Variants in MCM10 observed in about 807,000 individuals in gnomAD.
The protein encoded by MCM10 is protein MCM10 homolog.
A neutral mutation model predicts 109.9 loss-of-function variants in MCM10; 91 were observed. The observed-to-expected ratio is 0.83, with a 90% CI of 0.70 to 0.99. The LOEUF (loss-of-function observed/expected upper bound fraction) is 0.99, where lower values mean the gene tolerates loss of function less well. MCM10 is among the 50% of genes least tolerant of loss of function. The pLI is 0.00. For synonymous variants in MCM10, 380 were observed against 387.2 expected, an observed-to-expected ratio of 0.98 and a Z score of 0.22; for missense variants, 1,077 against 1,061.2, an observed-to-expected ratio of 1.01 and a Z score of -0.21.
At chr10:13,187,363 T>C (rs939887382) in intron 9 of MCM10, among the ~76,000 whole-genome samples, 1 of 152,272 alleles carries the variant, frequency 6.6e-6, no homozygotes, top group Non-Finnish European at 1.5e-5. Context: ...TACCATACGT[T>C]GTTTATTCTT....
intron 2 of MCM10, among the ~76,000 whole-genome samples, chr10:13,170,511 G>A (rs1588465834): frequency 1.3e-5 from 2 of 152,130 alleles, no homozygotes; most frequent in South Asian, 4.1e-4. Flanking sequence ...ATTGATTGGA[G>A]TAGAATGCTT....
At chr10:13,204,815 G>A (rs1564394863) in intron 18 of MCM10, among the ~76,000 whole-genome samples, 1 of 152,018 alleles carries the variant, frequency 6.6e-6, no homozygotes, top group Non-Finnish European at 1.5e-5. Flanking sequence ...ACCAAAATCT[G>A]TGGATGCTCA....
chr10:13,168,801 C>A (rs1834034175), intron 2 of MCM10, among the ~76,000 whole-genome samples: 2 of 152,082 alleles, frequency 1.3e-5, no homozygotes, highest in South Asian at 4.1e-4. Flanking sequence ...GGAGAAGTGG[C>A]CCTTGTGTAC....
intron 14 of MCM10, among the ~76,000 whole-genome samples, chr10:13,197,036 C>A (rs563606048): frequency 2.0e-5 from 3 of 147,270 alleles, no homozygotes; most frequent in African/African-American, 7.3e-5. Flanking sequence ...GGTGATCCTC[C>A]CATCTCAGTC....
Position 13,204,241 on chromosome 10 carries a change from T to G in MCM10, c.2375T>G (p.Leu792Arg). 1 of 1,614,172 alleles carries G rather than the reference T, an allele frequency of 6.2e-7. No individual in the cohort carries two copies. Among genetic ancestry groups the G allele is most frequent in the Non-Finnish European group, 8.5e-7 (1 of 1,180,034 alleles). ...CKTCAYTHFK[L>R]LETCVSEQHE... is the part of the protein sequence containing the mutation. ...CAGTGCGCCTATACCCACTTCAAGC[T>G]GCTGGAGACCTGCGTCAGTGAGCAG... The change falls in exon 18 of 20, where the codon CTG (leucine) becomes CGG (arginine). Residue 792 changes from leucine to arginine, a missense_variant. Leu to Arg is a moderately radical substitution (Grantham distance 102, BLOSUM62 -2). Transcript: ENST00000378714.
At chr10:13,188,763 G>T in intron 9 of MCM10, 118 bp from the exon 10 acceptor site, 1 of 874,726 alleles carries the variant, frequency 1.1e-6, no homozygotes, top group Non-Finnish European at 1.9e-6. Context: ...GTGGAGGTCA[G>T]CAGGGAGGAC....
chr10:13,168,303 A>G (rs935706478), intron 2 of MCM10, among the ~76,000 whole-genome samples: 3 of 152,198 alleles, frequency 2.0e-5, no homozygotes, highest in African/African-American at 7.2e-5. Flanking sequence ...TAATCCTTAT[A>G]CAACCTCTGA....
chr10:13,187,302 A>T (rs1417262956), intron 9 of MCM10, among the ~76,000 whole-genome samples: 1 of 152,232 alleles, frequency 6.6e-6, no homozygotes, highest in African/African-American at 2.4e-5. Context: ...TGTAGCATTT[A>T]TCAACACTTT....
chr10:13,196,107 C>A (rs1237617157), intron 14 of MCM10, among the ~76,000 whole-genome samples: 1 of 152,076 alleles, frequency 6.6e-6, no homozygotes, highest in African/African-American at 2.4e-5. Context: ...GGGGGCCTCC[C>A]TTTGCTGCCC....
chr10:13,191,533 A>G, intron 11 of MCM10, 134 bp downstream of exon 11: 1 of 659,250 alleles, frequency 1.5e-6, no homozygotes, highest in East Asian at 2.7e-5. Context: ...ATCACCACTA[A>G]GAACTTATTC....
intron 8 of MCM10, among the ~76,000 whole-genome samples, chr10:13,185,936 G>T (rs1834269047): frequency 6.6e-6 from 1 of 152,058 alleles, no homozygotes; most frequent in African/African-American, 2.4e-5. Flanking sequence ...AATTTTTGTG[G>T]TTTTTTGTAG....
rs79054074 is a variant in MCM10 at position 13,204,448 on chromosome 10, C to T, written c.2498+84C>T. On this transcript the variant is annotated intron_variant, in intron 18 of 19. Transcript: ENST00000378714. ...AGTCTGTGATTCTGTTCCCTTGGAA[C>T]GTTGGATGATCATTCCATGCCTTCC... is the stretch of plus-strand genomic sequence containing the variant. The T allele has an allele frequency of 9.0e-4, 1,363 of 1,520,260 alleles. 3 individuals are homozygous for T. Among genetic ancestry groups the T allele is most frequent in the Non-Finnish European group, 1.1e-3 (1,224 of 1,115,410 alleles). The allele number at this position is 1,520,260 out of a possible 1,614,324, so 94.2% of individuals were successfully genotyped here. A position where few individuals can be genotyped will look rare whatever the true frequency, so the allele number is the denominator to read the frequency against.
rs765768942 is a variant in MCM10 at position 13,171,014 on chromosome 10, C to T, written c.100C>T (p.Arg34Trp). 1.9e-6 allele frequency: 3 copies of T among 1,614,020 alleles called. No individual in the cohort carries two copies. The highest frequency in any genetic ancestry group is 1.1e-5 in the South Asian group (1 of 91,088). Residue 34 changes from arginine to tryptophan, a missense_variant, in exon 3 of 20, where the codon CGG becomes TGG. Physicochemically the swap from Arg to Trp is moderately radical, Grantham distance 101. Transcript: ENST00000378714. ...CNSEENNFLT[R>W]ENGEPDAFDE... ...TTCAGAAGAAAATAACTTCTTGACG[C>T]GGGAAAATGGCGAGCCCGACGCATT... is the stretch of plus-strand genomic sequence containing the variant.
chr10:13,204,372 A>G lies in MCM10; in HGVS notation c.2498+8A>G. ...CCCGAACAAGCACTGCAGGTATGAG[A>G]ATCACCTGGAGCTCTTTGTCCCACG... On this transcript the variant is annotated splice_region_variant and intron_variant, in intron 18 of 19. Coordinates refer to ENST00000378714, the MANE Select transcript of MCM10 (RefSeq NM_018518.5). The G allele has an allele frequency of 6.2e-7, 1 of 1,613,682 alleles. No individual in the cohort carries two copies. The highest frequency in any genetic ancestry group is 2.2e-5 in the East Asian group (1 of 44,870).
chr10:13,202,659 A>G (rs1834515530), intron 17 of MCM10, among the ~76,000 whole-genome samples: 1 of 152,126 alleles, frequency 6.6e-6, no homozygotes, highest in Non-Finnish European at 1.5e-5. Flanking sequence ...TTGGAAGATT[A>G]TGTGTCTTTG....
rs979347003 is a variant in MCM10 at position 13,191,320 on chromosome 10, G to C, written c.1437G>C (p.Lys479Asn). ...AASIAAAVAP[K>N]KKIQTTLSNL... is the part of the protein sequence containing the mutation. Reference sequence around the variant, plus strand: ...TCAGTGCAGCAGCTGTGGCTCCTAAGAAGAAGATTCAAACCACTCTGAGTA... The same window carrying C: ...TCAGTGCAGCAGCTGTGGCTCCTAACAAGAAGATTCAAACCACTCTGAGTA... The change falls in exon 11 of 20, where the codon AAG becomes AAC. Residue 479 changes from lysine to asparagine, a missense_variant. By Grantham distance (94) the Lys-to-Asn change is moderately conservative (BLOSUM62 0). Transcript: ENST00000378714. 9.9e-6 allele frequency: 16 copies of C among 1,613,822 alleles called. No homozygotes were observed. The highest frequency in any genetic ancestry group is 1.3e-5 in the Non-Finnish European group (15 of 1,179,796).
intron 17 of MCM10, among the ~76,000 whole-genome samples, chr10:13,202,998 C>A (rs1321765400): frequency 6.6e-6 from 1 of 152,110 alleles, no homozygotes; most frequent in African/African-American, 2.4e-5. Flanking sequence ...GCACGCACCA[C>A]ACTGCCTGGC....
rs960460013 is a variant in MCM10 at position 13,172,312 on chromosome 10, A to G, written c.350-64A>G. ...AGTGGACAACAAAAATATTGCCCGC[A>G]TTTTTGTCATGTAGAACGTTTTCTC... is the stretch of plus-strand genomic sequence containing the variant. On this transcript the variant is annotated intron_variant, in intron 3 of 19. Transcript: ENST00000378714. This position sits in a 1 kb window ranked among gnomAD's most constrained non-coding sequence, Gnocchi z 5.2. The G allele has an allele frequency of 1.4e-5, 18 of 1,280,984 alleles. No homozygotes were observed. In the East Asian group the frequency reaches 3.0e-4, roughly 21 times the overall value. 79.4% of individuals were successfully genotyped at this position (1,280,984 alleles called of 1,614,324 possible).
chr10:13,165,946 G>T (rs1350779396), intron 2 of MCM10, among the ~76,000 whole-genome samples: 1 of 151,612 alleles, frequency 6.6e-6, no homozygotes, highest in African/African-American at 2.4e-5. Context: ...ATTGGCATGG[G>T]TTCACAATTT....
Sources: gnomAD v4.1 joint callset for allele counts (sites outside exome capture counted in the v4.1 genomes callset) on GRCh38, gnomAD v4.1.1 for gene constraint, Gnocchi (gnomAD v3.1) non-coding constraint, MANE v1.5 for transcripts, NCBI Gene and HGNC (gene_info 2026-07-23, HGNC 2026-07-21) for gene names.